Variants in CCDC126 observed in about 807,000 individuals in gnomAD.
The protein encoded by CCDC126 is coiled-coil domain-containing protein 126.
A neutral mutation model predicts 11.7 loss-of-function variants in CCDC126; 5 were observed. That is an observed-to-expected ratio of 0.43 (90% confidence interval 0.22 to 0.90). CCDC126 has a LOEUF of 0.90. Ranked by LOEUF, CCDC126 falls within the 40% of genes least tolerant of loss-of-function variation. CCDC126 has a pLI of 0.27. For synonymous variants in CCDC126, 60 were observed against 61.9 expected (o/e 0.97, Z 0.14); for missense variants, 150 against 163.1 (o/e 0.92, Z 0.44).
At chr7:23,629,568 T>C (rs947202267) in intron 3 of CCDC126, among the ~76,000 whole-genome samples, 17 of 151,146 alleles carry the variant, frequency 1.1e-4, no homozygotes, top group African/African-American at 3.9e-4. Context: ...TTAATGAATA[T>C]GAAGCAAATG....
chr7:23,609,043 A>T (rs1168214555), intron 2 of CCDC126, among the ~76,000 whole-genome samples: 5 of 152,126 alleles, frequency 3.3e-5, no homozygotes, highest in Non-Finnish European at 2.9e-5. Flanking sequence ...GGGTGGTGTC[A>T]GCTGATCCAT....
At chr7:23,642,057 G>GCCGGA in intron 3 of CCDC126, among the ~76,000 whole-genome samples, 7 of 152,286 alleles carry the variant, frequency 4.6e-5, no homozygotes, top group South Asian at 2.1e-4. Context: ...TGTCGCCCAG[G>GCCGGA]CTGGAGTGCA....
rs35190673 is a variant in CCDC126 at position 23,600,374 on chromosome 7, A to ACC, written c.-146+2335_-146+2336dup. ...GAGCGAATGGCTGTGTTCTGTGTTA[A>ACC]CCCCCCCCCCCCCACCACCATATTA... On this transcript the variant is annotated intron_variant, in intron 2 of 3. Coordinates refer to ENST00000307471, the MANE Select transcript of CCDC126 (RefSeq NM_138771.4). Among the ~76,000 whole-genome samples, 572 of 80,560 alleles carry ACC rather than the reference A, an allele frequency of 7.1e-3. 37 individuals carry two copies. The highest frequency in any genetic ancestry group is 0.012 in the South Asian group (20 of 1,718). The allele number at this position is 80,560 out of a possible 152,430, so 52.9% of individuals were successfully genotyped here.
At chr7:23,630,586 T>G (rs1356146215) in intron 3 of CCDC126, among the ~76,000 whole-genome samples, 1 of 151,660 alleles carries the variant, frequency 6.6e-6, no homozygotes, top group Non-Finnish European at 1.5e-5. Context: ...GTGGGCAGAT[T>G]GCTTGAGAAC....
Position 23,611,156 on chromosome 7 carries a change from T to C in CCDC126, c.-145-15T>C, listed in dbSNP as rs1782704256. The stretch of plus-strand genomic sequence containing the variant: ...CAGATTAAGACTAATACTGTTTTTC[T>C]TCTTAATTTTACAGAGTTAATAGAG... On this transcript the variant is annotated splice_polypyrimidine_tract_variant and intron_variant, in intron 2 of 3. Transcript: ENST00000307471. 1.7e-6 allele frequency: 1 copy of C among 585,704 alleles called. No homozygotes were observed. The highest frequency in any genetic ancestry group is 1.9e-5 in the African/African-American group (1 of 53,660). The allele number at this position is 585,704 out of a possible 1,614,324, so 36.3% of individuals were successfully genotyped here.
intron 3 of CCDC126, among the ~76,000 whole-genome samples, chr7:23,614,194 C>T (rs1283416666): frequency 1.3e-5 from 2 of 152,150 alleles, no homozygotes; most frequent in African/African-American, 4.8e-5. Flanking sequence ...GGAGTCAGTC[C>T]ACACAAATCC....
chr7:23,613,652 C>G (rs1263000432), intron 3 of CCDC126, among the ~76,000 whole-genome samples: 1 of 152,246 alleles, frequency 6.6e-6, no homozygotes, highest in East Asian at 1.9e-4. Context: ...TTCATTTTCC[C>G]TTCATAATTT....
At chr7:23,635,722 C>T (rs1413203820) in intron 3 of CCDC126, among the ~76,000 whole-genome samples, 1 of 152,066 alleles carries the variant, frequency 6.6e-6, no homozygotes, top group African/African-American at 2.4e-5. Context: ...TCTCATTTAT[C>T]CTGACTTTTT....
intron 3 of CCDC126, chr7:23,622,413 G>A (rs1782925358): frequency 2.9e-6 from 1 of 343,540 alleles, no homozygotes; most frequent in Admixed American, 4.1e-5. Context: ...ATTTCTGTGG[G>A]ATCAGTGGTG....
chr7:23,618,933 T>C (rs958815184), intron 3 of CCDC126, among the ~76,000 whole-genome samples: 4 of 152,164 alleles, frequency 2.6e-5, no homozygotes, highest in African/African-American at 4.8e-5. Flanking sequence ...AGGTCTCTCC[T>C]GTTGAGCTGG....
intron 3 of CCDC126, among the ~76,000 whole-genome samples, chr7:23,640,525 G>T (rs1456444719): frequency 6.6e-6 from 1 of 151,826 alleles, no homozygotes; most frequent in Non-Finnish European, 1.5e-5. Flanking sequence ...TTTTAAATAT[G>T]CAATTCATCA....
intron 3 of CCDC126, among the ~76,000 whole-genome samples, chr7:23,620,357 T>C (rs1427064817): frequency 2.6e-4 from 40 of 152,378 alleles, no homozygotes; most frequent in African/African-American, 7.9e-4. Context: ...TTTTCATGTG[T>C]CTGTTGGCTG....
chr7:23,639,482 G>A (rs1407062529), intron 3 of CCDC126, among the ~76,000 whole-genome samples: 1 of 152,152 alleles, frequency 6.6e-6, no homozygotes, highest in Non-Finnish European at 1.5e-5. Flanking sequence ...TGGGATTACA[G>A]GCGTGAGCCA....
At chr7:23,603,384 A>G (rs979116999) in intron 2 of CCDC126, among the ~76,000 whole-genome samples, 4 of 152,152 alleles carry the variant, frequency 2.6e-5, no homozygotes, top group Admixed American at 6.5e-5. Context: ...TGCCATTACT[A>G]TTTTCTGGTT....
In CCDC126 at chr7:23,603,576, A is replaced by C. The variant is rs111542291; in HGVS notation, c.-146+5525A>C. Among the ~76,000 whole-genome samples, 149 of 152,300 alleles carry C rather than the reference A, an allele frequency of 9.8e-4. 2 individuals carry two copies. Among genetic ancestry groups the C allele is most frequent in the Middle Eastern group, 3.4e-3 (1 of 294 alleles). ...CTGCCATTAACTGGGTTTCATTTTT[A>C]GGCAAGACACTTAACATCTCTGGGC... On this transcript the variant is annotated intron_variant, in intron 2 of 3. Transcript: ENST00000307471.
intron 3 of CCDC126, chr7:23,622,466 T>G (rs1356150844): frequency 4.8e-6 from 2 of 415,746 alleles, no homozygotes; most frequent in Non-Finnish European, 9.6e-6. Context: ...TTGACTCTTC[T>G]CTGATACCAA....
At chr7:23,629,737 G>C (rs1382836364) in intron 3 of CCDC126, among the ~76,000 whole-genome samples, 3 of 152,036 alleles carry the variant, frequency 2.0e-5, no homozygotes, top group Non-Finnish European at 2.9e-5. Context: ...GAAAGAATCG[G>C]TAAACTGGAA....
chr7:23,598,772 T>C (rs1225265392), intron 2 of CCDC126, among the ~76,000 whole-genome samples: 1 of 152,248 alleles, frequency 6.6e-6, no homozygotes, highest in Non-Finnish European at 1.5e-5. Flanking sequence ...TGTTATTTAG[T>C]GCAGTGTAGG....
At position 23,611,495 on chromosome 7, in the gene CCDC126, A is replaced by G. The variant is rs756671688; in HGVS notation, c.180A>G (p.Leu60=). The stretch of plus-strand genomic sequence containing the variant: ...TAAGCAAAAGATATGTTAAAGCTCT[A>G]GCAGAGGAAAATAAGAACACAGTGG... ...LDLSKRYVKA[L]AEENKNTVDV... is the part of the protein sequence containing the mutation. The change falls in exon 3 of 4, where the codon CTA becomes CTG. Residue 60 remains leucine, a synonymous_variant. Transcript: ENST00000307471. 6.2e-7 allele frequency: 1 copy of G among 1,614,066 alleles called. No homozygotes were observed. Among genetic ancestry groups the G allele is most frequent in the South Asian group, 1.1e-5 (1 of 91,080 alleles).
Sources: allele counts gnomAD v4.1 joint callset (sites outside exome capture counted in the v4.1 genomes callset), GRCh38; gene constraint gnomAD v4.1.1; transcripts MANE v1.5; gene names NCBI Gene and HGNC (gene_info 2026-07-23, HGNC 2026-07-21).